The following MAPK10 variants were observed in gnomAD, a reference collection of about 807,000 sequenced individuals.
The protein encoded by MAPK10 is mitogen-activated protein kinase 10.
In MAPK10, 25 loss-of-function variants were observed where a neutral mutation model predicts 59.3. That is an observed-to-expected ratio of 0.42 (90% CI 0.31 to 0.59). MAPK10 has a LOEUF of 0.59. MAPK10 is among the 20% of genes least tolerant of loss of function. MAPK10 has a pLI of 0.15. For missense variants in MAPK10, 351 were observed against 568.9 expected (o/e 0.62, Z 3.90); for synonymous variants, 190 against 200.5 (o/e 0.95, Z 0.44).
chr4:86,197,586 G>C (rs2081627261), intron 2 of MAPK10, among the ~76,000 whole-genome samples: 1 of 152,116 alleles, frequency 6.6e-6, no homozygotes, highest in African/African-American at 2.4e-5. Context: ...CAGGAAACAA[G>C]ATTTAGACCT....
chr4:86,360,223 A>T, upstream of MAPK10: 4 of 985,826 alleles, frequency 4.1e-6, no homozygotes, highest in Non-Finnish European at 4.8e-6. Context: ...TTCCGGTGAA[A>T]TGAGGACCAG....
At chr4:86,501,137 A>C (rs1755290292) in intron 1 of MAPK10, among the ~76,000 whole-genome samples, 2 of 140,370 alleles carry the variant, frequency 1.4e-5, no homozygotes, top group East Asian at 2.1e-4. Flanking sequence ...AAAAAAAAAA[A>C]AAACTTTTAA....
intron 11 of MAPK10, among the ~76,000 whole-genome samples, chr4:86,053,675 T>A (rs1042286149): frequency 1.4e-4 from 21 of 152,132 alleles, no homozygotes; most frequent in African/African-American, 1.9e-4. Flanking sequence ...AAAAGAAAAA[T>A]ATATATTTTT....
intron 1 of MAPK10, among the ~76,000 whole-genome samples, chr4:86,539,978 T>C (rs1293985826): frequency 1.3e-5 from 2 of 152,166 alleles, no homozygotes; most frequent in Non-Finnish European, 2.9e-5. Context: ...GTAGAAAACA[T>C]AGGGTATCAA....
chr4:86,466,663 T>C (rs1027253557), intron 1 of MAPK10, among the ~76,000 whole-genome samples: 6 of 152,232 alleles, frequency 3.9e-5, no homozygotes, highest in African/African-American at 1.2e-4. Flanking sequence ...ATCAAGTCTT[T>C]CACAGAACAT....
At chr4:86,315,820 A>C (rs1039371427) in intron 2 of MAPK10, among the ~76,000 whole-genome samples, 1 of 152,164 alleles carries the variant, frequency 6.6e-6, no homozygotes, top group African/African-American at 2.4e-5. Flanking sequence ...GGTATACAGA[A>C]GTCACTCAAC....
At chr4:86,464,400 A>G (rs1299600123) in intron 1 of MAPK10, among the ~76,000 whole-genome samples, 1 of 152,228 alleles carries the variant, frequency 6.6e-6, no homozygotes, top group African/African-American at 2.4e-5. Flanking sequence ...ATGCCTATTA[A>G]TGTGATTTCT....
upstream of MAPK10, among the ~76,000 whole-genome samples, chr4:86,363,691 A>G (rs80261239): frequency 0.015 from 2,286 of 152,260 alleles, 67 homozygotes; most frequent in African/African-American, 0.052. Context: ...ACAGTACATT[A>G]TTGTTGACTA....
At chr4:86,462,791 C>A (rs1177831036) in intron 1 of MAPK10, among the ~76,000 whole-genome samples, 1 of 152,072 alleles carries the variant, frequency 6.6e-6, no homozygotes, top group Non-Finnish European at 1.5e-5. Context: ...ATATAGCCCT[C>A]AAAGTCAACA....
At chr4:86,021,675 G>A (rs980149761) in intron 13 of MAPK10, among the ~76,000 whole-genome samples, 1 of 152,246 alleles carries the variant, frequency 6.6e-6, no homozygotes, top group African/African-American at 2.4e-5. Context: ...TCGTCGGGGA[G>A]GCTCGGGCTG....
At chr4:86,214,688 C>T (rs1235591381) in intron 2 of MAPK10, among the ~76,000 whole-genome samples, 1 of 151,792 alleles carries the variant, frequency 6.6e-6, no homozygotes. Context: ...GAATGAAATA[C>T]TTAGGAATTG....
chr4:86,513,897 A>C (rs1352397667), intron 1 of MAPK10, among the ~76,000 whole-genome samples: 2 of 151,986 alleles, frequency 1.3e-5, no homozygotes, highest in East Asian at 3.9e-4. Flanking sequence ...ACTCCCTCCT[A>C]AGCTCCCTTG....
chr4:86,339,138 C>T (rs1274829998), intron 2 of MAPK10, among the ~76,000 whole-genome samples: 1 of 152,156 alleles, frequency 6.6e-6, no homozygotes, highest in Admixed American at 6.5e-5. Context: ...TGCAGTACAA[C>T]AAGAGGTCAT....
At chr4:86,194,462 T>C in intron 2 of MAPK10, 55 bp from the exon 3 acceptor site, 1 of 1,008,834 alleles carries the variant, frequency 9.9e-7, no homozygotes, top group Non-Finnish European at 1.6e-6. Flanking sequence ...TTTCATTATA[T>C]AACAATATAG....
chr4:86,253,401 C>G (rs1209635406), intron 2 of MAPK10, among the ~76,000 whole-genome samples: 3 of 119,510 alleles, frequency 2.5e-5, no homozygotes, highest in Non-Finnish European at 4.8e-5. Context: ...TGAATTTTGT[C>G]AAAGGCTTTT....
chr4:86,382,240 A>G (rs112824151), intron 1 of MAPK10, among the ~76,000 whole-genome samples: 3 of 151,984 alleles, frequency 2.0e-5, no homozygotes, highest in African/African-American at 7.2e-5. Context: ...CAGAGAGACG[A>G]ATGGAGGGAG....
At chr4:86,274,955 A>G (rs144458934) in intron 2 of MAPK10, among the ~76,000 whole-genome samples, 70 of 152,156 alleles carry the variant, frequency 4.6e-4, no homozygotes, top group Non-Finnish European at 8.5e-4. Context: ...ATATTTTCCC[A>G]GTGAAAACAA....
chr4:86,546,827 C>T (rs1371282199), intron 1 of MAPK10, among the ~76,000 whole-genome samples: 8 of 151,980 alleles, frequency 5.3e-5, no homozygotes, highest in African/African-American at 1.9e-4. Context: ...GAGGCCGAGG[C>T]GGGTGGATCA....
intron 5 of MAPK10, among the ~76,000 whole-genome samples, 161 bp from the exon 6 acceptor site, chr4:86,103,405 G>C (rs1277917579): frequency 6.6e-6 from 1 of 152,120 alleles, no homozygotes; most frequent in South Asian, 2.1e-4. Flanking sequence ...ACACAGAAAA[G>C]TATGCTCAGA....
Sources: gnomAD v4.1 joint callset for allele counts (sites outside exome capture counted in the v4.1 genomes callset) on GRCh38, gnomAD v4.1.1 for gene constraint, MANE v1.5 for transcripts, NCBI Gene and HGNC (gene_info 2026-07-23, HGNC 2026-07-21) for gene names.